MAPKAP1: variants seen among roughly 807,000 people sequenced by gnomAD.
MAPKAP1 encodes the protein target of rapamycin complex 2 subunit MAPKAP1.
A neutral mutation model predicts 65.7 loss-of-function variants in MAPKAP1; 20 were observed. The observed-to-expected ratio is 0.30, with a 90% CI of 0.21 to 0.44. The LOEUF (loss-of-function observed/expected upper bound fraction) is 0.44, where lower values mean the gene tolerates loss of function less well. Ranked by LOEUF, MAPKAP1 falls within the 20% of genes least tolerant of loss-of-function variation. MAPKAP1 has a pLI of 1.00. For missense variants in MAPKAP1, 423 were observed against 648.0 expected, an observed-to-expected ratio of 0.65 and a Z score of 3.77; for synonymous variants, 222 against 244.3, an observed-to-expected ratio of 0.91 and a Z score of 0.85.
intron 4 of MAPKAP1, among the ~76,000 whole-genome samples, chr9:125,591,073 C>T (rs778483260): frequency 7.9e-5 from 12 of 152,148 alleles, no homozygotes; most frequent in Non-Finnish European, 1.2e-4. Context: ...TGCGACCTGG[C>T]GTAACCTTTA....
intron 5 of MAPKAP1, among the ~76,000 whole-genome samples, chr9:125,560,516 C>T (rs1033973611): frequency 6.6e-6 from 1 of 152,006 alleles, no homozygotes; most frequent in Admixed American, 6.6e-5. Context: ...CCCGTGAGGT[C>T]GAGGCTGCAG....
chr9:125,698,314 TATATATATA>T (rs1564622543), intron 1 of MAPKAP1, among the ~76,000 whole-genome samples: 11 of 56,302 alleles, frequency 2.0e-4, no homozygotes, highest in African/African-American at 6.8e-4. Flanking sequence ...TATATATATA[TATATATATA>T]TATATATATA....
chr9:125,509,617 G>C (rs1402930928), intron 7 of MAPKAP1, among the ~76,000 whole-genome samples: 1 of 152,170 alleles, frequency 6.6e-6, no homozygotes, highest in Admixed American at 6.5e-5. Context: ...TTCATGTGAA[G>C]CAACCGTGCA....
chr9:125,704,866 C>T (rs1835711267), intron 1 of MAPKAP1, among the ~76,000 whole-genome samples: 1 of 152,168 alleles, frequency 6.6e-6, no homozygotes, highest in South Asian at 2.1e-4. Flanking sequence ...CCCATTAGTT[C>T]AATAAATATT....
At chr9:125,556,963 T>C (rs1007679788) in intron 6 of MAPKAP1, among the ~76,000 whole-genome samples, 10 of 152,202 alleles carry the variant, frequency 6.6e-5, no homozygotes, top group South Asian at 2.1e-4. Flanking sequence ...AAGATTTCAC[T>C]TTACCTCGTG....
chr9:125,578,308 TC>T (rs1482862699), intron 5 of MAPKAP1, among the ~76,000 whole-genome samples: 1 of 151,628 alleles, frequency 6.6e-6, no homozygotes, highest in Non-Finnish European at 1.5e-5. Flanking sequence ...GGCCGCAGGG[TC>T]CTCTGCCTAG....
chr9:125,481,857 G>A (rs957894243), intron 9 of MAPKAP1, among the ~76,000 whole-genome samples: 11 of 151,976 alleles, frequency 7.2e-5, no homozygotes, highest in Admixed American at 5.9e-4. Flanking sequence ...GTGGCCAGGC[G>A]TGGTGGTTCA....
chr9:125,548,345 G>A (rs1001819084), intron 6 of MAPKAP1, among the ~76,000 whole-genome samples: 4 of 152,190 alleles, frequency 2.6e-5, no homozygotes, highest in Admixed American at 6.5e-5. Context: ...CATAGGGCAC[G>A]TAACCCAGCC....
At chr9:125,501,361 A>G (rs1340750000) in intron 8 of MAPKAP1, among the ~76,000 whole-genome samples, 2 of 152,360 alleles carry the variant, frequency 1.3e-5, no homozygotes, top group African/African-American at 4.8e-5. Flanking sequence ...CTGCTAGAAT[A>G]AACCCAACTT....
At chr9:125,684,348 G>A (rs1253874446) in intron 1 of MAPKAP1, among the ~76,000 whole-genome samples, 1 of 152,126 alleles carries the variant, frequency 6.6e-6, no homozygotes, top group Non-Finnish European at 1.5e-5. Context: ...GTGGGTAGAT[G>A]CCAGTGACGC....
At chr9:125,533,876 C>A (rs988769996) in intron 7 of MAPKAP1, among the ~76,000 whole-genome samples, 2 of 152,192 alleles carry the variant, frequency 1.3e-5, no homozygotes, top group African/African-American at 4.8e-5. Context: ...AGATTGTTCA[C>A]TGCATGTTTT....
intron 1 of MAPKAP1, among the ~76,000 whole-genome samples, chr9:125,698,808 A>T (rs1414225312): frequency 3.3e-5 from 5 of 152,206 alleles, no homozygotes; most frequent in Non-Finnish European, 7.3e-5. Flanking sequence ...GTTACTCAGC[A>T]GATCAATTCA....
chr9:125,649,469 G>T (rs531726452), intron 4 of MAPKAP1, among the ~76,000 whole-genome samples: 1 of 152,246 alleles, frequency 6.6e-6, no homozygotes, highest in Non-Finnish European at 1.5e-5. Flanking sequence ...GAATGGCCTG[G>T]TGAGTCAGGC....
At chr9:125,515,607 T>A (rs1334916198) in intron 7 of MAPKAP1, among the ~76,000 whole-genome samples, 1 of 152,236 alleles carries the variant, frequency 6.6e-6, no homozygotes, top group African/African-American at 2.4e-5. Flanking sequence ...ATCACCATCA[T>A]TCAGCCCCAG....
intron 4 of MAPKAP1, among the ~76,000 whole-genome samples, chr9:125,632,236 A>AAAAAAAG (rs1379770090): frequency 8.1e-5 from 12 of 148,590 alleles, no homozygotes; most frequent in African/African-American, 3.1e-4. Context: ...AAAAAAAAAA[A>AAAAAAAG]AGAAGAAACT....
chr9:125,684,082 T>A (rs1834902507), intron 1 of MAPKAP1, among the ~76,000 whole-genome samples: 1 of 152,226 alleles, frequency 6.6e-6, no homozygotes, highest in Non-Finnish European at 1.5e-5. Context: ...CTACCATCAT[T>A]ACAGTGAGTC....
chr9:125,703,263 GAAC>G (rs1426144328), intron 1 of MAPKAP1, among the ~76,000 whole-genome samples: 1 of 152,072 alleles, frequency 6.6e-6, no homozygotes, highest in Non-Finnish European at 1.5e-5. Context: ...TGCTCAAACA[GAAC>G]AATAATAATA....
chr9:125,706,590 G>C (rs999260006), intron 1 of MAPKAP1, among the ~76,000 whole-genome samples: 1 of 152,074 alleles, frequency 6.6e-6, no homozygotes, highest in East Asian at 1.9e-4. Context: ...CCTCTTTAAG[G>C]GGGAGGGGGA....
intron 4 of MAPKAP1, chr9:125,652,022 C>T: frequency 1.1e-6 from 1 of 899,326 alleles, no homozygotes; most frequent in Non-Finnish European, 1.5e-6. Context: ...TTAGAAGGGA[C>T]CATTCCCACA....
Sources: gnomAD v4.1 joint callset for allele counts (sites outside exome capture counted in the v4.1 genomes callset) on GRCh38, gnomAD v4.1.1 for gene constraint, MANE v1.5 for transcripts, NCBI Gene and HGNC (gene_info 2026-07-23, HGNC 2026-07-21) for gene names.